The following AFF3 variants were observed in gnomAD, a reference collection of about 807,000 sequenced individuals.
AFF3 encodes the protein AF4/FMR2 family member 3.
AFF3 carries 32 observed loss-of-function variants against 129.7 expected under a neutral mutation model. The observed-to-expected ratio is 0.25, with a 90% confidence interval of 0.19 to 0.33. AFF3 has a LOEUF of 0.33. AFF3 is among the 10% of genes least tolerant of loss of function. AFF3 has a pLI of 1.00. For synonymous variants in AFF3, 644 were observed against 635.4 expected (o/e 1.01, Z -0.20); for missense variants, 1,373 against 1,592.0 (o/e 0.86, Z 2.34).
At chr2:99,632,508 G>A (rs963613381) in intron 13 of AFF3, among the ~76,000 whole-genome samples, 1 of 152,172 alleles carries the variant, frequency 6.6e-6, no homozygotes, top group Non-Finnish European at 1.5e-5. Context: ...GGTCCGTCCA[G>A]GGCATCACAC....
chr2:99,743,212 C>A (rs760685815), intron 10 of AFF3, among the ~76,000 whole-genome samples: 3 of 152,190 alleles, frequency 2.0e-5, no homozygotes, highest in Admixed American at 2.0e-4. Flanking sequence ...GCCATCACCC[C>A]CTCCACCGGC....
chr2:99,880,887 T>C (rs1692660483), intron 7 of AFF3, among the ~76,000 whole-genome samples: 1 of 152,172 alleles, frequency 6.6e-6, no homozygotes, highest in Non-Finnish European at 1.5e-5. Flanking sequence ...GCATAAGGGC[T>C]GTATCATAAT....
intron 13 of AFF3, among the ~76,000 whole-genome samples, chr2:99,615,325 T>C (rs577170170): frequency 1.0e-3 from 157 of 152,352 alleles, no homozygotes; most frequent in African/African-American, 3.6e-3. Context: ...ACCACACAGC[T>C]TGGCAAGACC....
chr2:99,990,116 G>A (rs1026178044), intron 7 of AFF3, among the ~76,000 whole-genome samples: 1 of 152,136 alleles, frequency 6.6e-6, no homozygotes, highest in African/African-American at 2.4e-5. Context: ...CATGAGTGAG[G>A]CACAGTCCTT....
chr2:100,014,053 G>C (rs181722891), intron 4 of AFF3, among the ~76,000 whole-genome samples: 6 of 151,726 alleles, frequency 4.0e-5, no homozygotes, highest in South Asian at 2.1e-4. Flanking sequence ...AGCCAGCCAG[G>C]GGGGGATGAC....
intron 8 of AFF3, among the ~76,000 whole-genome samples, chr2:99,819,701 T>C (rs1279193022): frequency 2.0e-5 from 3 of 152,240 alleles, no homozygotes; most frequent in African/African-American, 7.2e-5. Context: ...TACTGACATC[T>C]ATATTGGGTC....
chr2:99,710,419 A>T (rs1291110309), intron 11 of AFF3, among the ~76,000 whole-genome samples: 1 of 151,886 alleles, frequency 6.6e-6, no homozygotes, highest in Non-Finnish European at 1.5e-5. Context: ...ACCATGCCCG[A>T]CTAATTTTTG....
At chr2:99,876,714 C>T (rs1295398508) in intron 7 of AFF3, among the ~76,000 whole-genome samples, 5 of 152,142 alleles carry the variant, frequency 3.3e-5, no homozygotes, top group East Asian at 1.9e-4. Flanking sequence ...TGGTCCTATA[C>T]GATCTAGTGC....
chr2:99,558,730 C>T (rs781133972), intron 22 of AFF3, 145 bp downstream of exon 22: 2 of 635,988 alleles, frequency 3.1e-6, no homozygotes, highest in East Asian at 2.8e-5. Context: ...CTGAAAGCCA[C>T]AAGTGTGGCA....
intron 8 of AFF3, among the ~76,000 whole-genome samples, chr2:99,833,953 TTA>T (rs1486377136): frequency 6.6e-6 from 1 of 152,196 alleles, no homozygotes; most frequent in African/African-American, 2.4e-5. Flanking sequence ...TAAAAAATAA[TTA>T]TATGTTAGAA....
At chr2:99,947,521 G>A (rs1285522568) in intron 7 of AFF3, among the ~76,000 whole-genome samples, 4 of 101,026 alleles carry the variant, frequency 4.0e-5, no homozygotes, top group Admixed American at 8.3e-5. Flanking sequence ...AAGAGAGAGA[G>A]AGAAAGAAAG....
intron 8 of AFF3, among the ~76,000 whole-genome samples, chr2:99,785,956 C>G (rs1428101599): frequency 1.3e-5 from 2 of 152,080 alleles, no homozygotes; most frequent in Non-Finnish European, 2.9e-5. Context: ...ACCATGTTGG[C>G]CAGGCTGGTC....
intron 8 of AFF3, among the ~76,000 whole-genome samples, chr2:99,779,339 T>C (rs1459113872): frequency 6.6e-6 from 1 of 152,338 alleles, no homozygotes; most frequent in South Asian, 2.1e-4. Flanking sequence ...TTAATTTCAA[T>C]ATATAAAATC....
chr2:99,824,728 C>T (rs765039022), intron 8 of AFF3, among the ~76,000 whole-genome samples: 2 of 152,052 alleles, frequency 1.3e-5, no homozygotes, highest in Non-Finnish European at 2.9e-5. Context: ...GTCCACCTAC[C>T]CTGAGCTGTC....
intron 12 of AFF3, among the ~76,000 whole-genome samples, chr2:99,666,383 G>A (rs559186985): frequency 6.6e-6 from 1 of 152,098 alleles, no homozygotes; most frequent in Admixed American, 6.5e-5. Context: ...GTAATACCTA[G>A]AATAGCCACT....
intron 7 of AFF3, among the ~76,000 whole-genome samples, chr2:99,917,450 TAA>T (rs1695548872): frequency 6.6e-6 from 1 of 152,180 alleles, no homozygotes; most frequent in Non-Finnish European, 1.5e-5. Context: ...CTAACACTTA[TAA>T]CAGGGAATGT....
At chr2:99,933,653 T>C (rs1674254603) in intron 7 of AFF3, among the ~76,000 whole-genome samples, 1 of 152,214 alleles carries the variant, frequency 6.6e-6, no homozygotes, top group East Asian at 1.9e-4. Context: ...GCTTCATCCA[T>C]GTCCCTGCAA....
rs539858456 is a variant in AFF3 at position 99,805,022 on chromosome 2, C to T, written c.921+32455G>A. On this transcript the variant is annotated intron_variant, in intron 8 of 24. Coordinates refer to ENST00000672756, the MANE Select transcript of AFF3 (RefSeq NM_001386135.1). ...ATGACAAGTTCACTAAGATCTCAGACTCCATCACTACACAATGCATCTTGT... is the reference window on the plus strand; with the variant it reads ...ATGACAAGTTCACTAAGATCTCAGATTCCATCACTACACAATGCATCTTGT... 2.0e-5 allele frequency among the ~76,000 whole-genome samples: 3 copies of T among 152,302 alleles called. No homozygotes were observed. In the South Asian group the frequency reaches 6.2e-4, roughly 32 times the overall value.
intron 13 of AFF3, among the ~76,000 whole-genome samples, chr2:99,606,223 C>T (rs1680315112): frequency 6.6e-6 from 1 of 152,128 alleles, no homozygotes; most frequent in Non-Finnish European, 1.5e-5. Context: ...CATGATTGTG[C>T]CACTGCACCC....
Sources: allele counts gnomAD v4.1 joint callset (sites outside exome capture counted in the v4.1 genomes callset), GRCh38; gene constraint gnomAD v4.1.1; transcripts MANE v1.5; gene names NCBI Gene and HGNC (gene_info 2026-07-23, HGNC 2026-07-21).